Variants in BRIP1 observed in about 807,000 individuals in gnomAD.
BRIP1 encodes BRCA1 interacting DNA helicase 1.
In BRIP1, 88 loss-of-function variants were observed where a neutral mutation model predicts 119.7. The ratio of observed to expected loss-of-function variants is 0.74; its 90% CI spans 0.62 to 0.88. BRIP1 has a LOEUF of 0.88. Among genes scored for constraint, BRIP1 ranks in the 40% least tolerant of loss-of-function variants. The pLI is 0.00. For synonymous variants in BRIP1, 443 were observed against 496.5 expected, an observed-to-expected ratio of 0.89 and a Z score of 1.43; for missense variants, 1,259 against 1,455.4, an observed-to-expected ratio of 0.87 and a Z score of 2.20.
intron 17 of BRIP1, among the ~76,000 whole-genome samples, chr17:61,712,902 CAAA>C (rs10602913): frequency 2.5e-4 from 35 of 141,248 alleles, no homozygotes; most frequent in Admixed American, 3.5e-4. Context: ...GACTTCATCT[CAAA>C]AAAAAAAAAA....
chr17:61,738,904 A>AGG lies in BRIP1; in HGVS notation c.2379+4108_2379+4109insCC, dbSNP rs2076952794. On this transcript the variant is annotated intron_variant, in intron 16 of 19. Transcript: ENST00000259008. This position sits in a 1 kb window ranked among gnomAD's most constrained non-coding sequence, Gnocchi z 4.2. ...TCTCCTCATATGTAATCAGAATTAT[A>AGG]ATCTTGATGATCCTTTCAGGCCTTG... Among the ~76,000 whole-genome samples, 1 of 152,194 alleles carries AGG rather than the reference A, an allele frequency of 6.6e-6. No homozygotes were observed. The highest frequency in any genetic ancestry group is 1.5e-5 in the Non-Finnish European group (1 of 68,036).
rs1319290249 is a variant in BRIP1 at position 61,769,914 on chromosome 17, G to A, written c.2097+6487C>T. On this transcript the variant is annotated intron_variant, in intron 14 of 19. Transcript: ENST00000259008. The surrounding 1 kb of genome is among the most constrained non-coding windows in gnomAD (Gnocchi z 4.9). ...TCCTAGGGGCTGCAGTCTTGCCAGG[G>A]GGCCCACAATTTTTAAGACATTACC... 1.3e-5 allele frequency among the ~76,000 whole-genome samples: 2 copies of A among 152,136 alleles called. No individual in the cohort carries two copies. Among genetic ancestry groups the A allele is most frequent in the Non-Finnish European group, 1.5e-5 (1 of 68,020 alleles).
intron 16 of BRIP1, among the ~76,000 whole-genome samples, chr17:61,737,431 C>T (rs2076933279): frequency 6.6e-6 from 1 of 152,084 alleles, no homozygotes; most frequent in Admixed American, 6.5e-5. Context: ...AACTATAAAA[C>T]TCTTCAAGGA....
At chr17:61,838,596 A>G (rs1021723312) in intron 6 of BRIP1, among the ~76,000 whole-genome samples, 1 of 151,020 alleles carries the variant, frequency 6.6e-6, no homozygotes, top group East Asian at 1.9e-4. Flanking sequence ...TAAATAAAGC[A>G]TCATTAAATC....
Position 61,682,744 on chromosome 17 carries a change from C to T in BRIP1, c.*552G>A, listed in dbSNP as rs1478983804. 5.2e-6 allele frequency: 1 copy of T among 191,452 alleles called. No homozygotes were observed. Among genetic ancestry groups the T allele is most frequent in the Admixed American group, 6.1e-5 (1 of 16,314 alleles). The allele number at this position is 191,452 out of a possible 1,614,324, so 11.9% of individuals were successfully genotyped here. A position where few individuals can be genotyped will look rare whatever the true frequency, so the allele number is the denominator to read the frequency against. ...ACCTAATATGAATATTTACGTGAAACTAGAAGTGCCCTAGGATCTTTGAAT... is the reference window on the plus strand; with the variant it reads ...ACCTAATATGAATATTTACGTGAAATTAGAAGTGCCCTAGGATCTTTGAAT... On this transcript the variant is annotated 3_prime_UTR_variant, in exon 20 of 20. Coordinates refer to ENST00000259008, the MANE Select transcript of BRIP1 (RefSeq NM_032043.3). This position sits in a 1 kb window ranked among gnomAD's most constrained non-coding sequence, Gnocchi z 4.9.
rs2078948200 is a variant in BRIP1, at chr17:61,859,785, CA to C, written c.205+10del. 6.4e-7 allele frequency: 1 copy of C among 1,562,074 alleles called. No homozygotes were observed. Among genetic ancestry groups the C allele is most frequent in the Admixed American group, 1.7e-5 (1 of 59,924 alleles). ...CAGTAAGTAACCTGAAGATATCAAGCAACTACTTACCACTAAGAGATTGTTG... is the reference window on the plus strand; with the variant it reads ...CAGTAAGTAACCTGAAGATATCAAGCACTACTTACCACTAAGAGATTGTTG... On this transcript the variant is annotated intron_variant, in intron 3 of 19. Coordinates refer to ENST00000259008, the MANE Select transcript of BRIP1 (RefSeq NM_032043.3).
In BRIP1 at chr17:61,775,652, AAAC is replaced by A. The variant is rs762140196; in HGVS notation, c.2097+746_2097+748del. The stretch of plus-strand genomic sequence containing the variant: ...AATTATTAAAAATCAGTGACTCTAA[AAAC>A]AACAACAAAATTCTTCTGGCCAGAT... On this transcript the variant is annotated intron_variant, in intron 14 of 19. Transcript: ENST00000259008. This position sits in a 1 kb window ranked among gnomAD's most constrained non-coding sequence, Gnocchi z 4.4. Among the ~76,000 whole-genome samples the A allele has an allele frequency of 1.3e-5, 2 of 152,226 alleles. No individual in the cohort carries two copies. The highest frequency in any genetic ancestry group is 2.9e-5 in the Non-Finnish European group (2 of 68,042).
In BRIP1 at chr17:61,776,574, A is replaced by G; in HGVS notation, c.1936-12T>C. On this transcript the variant is annotated splice_polypyrimidine_tract_variant and intron_variant, in intron 13 of 19. Coordinates refer to ENST00000259008, the MANE Select transcript of BRIP1 (RefSeq NM_032043.3). This position sits in a 1 kb window ranked among gnomAD's most constrained non-coding sequence, Gnocchi z 5.0. ...GTACCAACCCAAACCTAGAATATGA[A>G]TATGTCATTATTAGAGTTATGCCTG... is the stretch of plus-strand genomic sequence containing the variant. The G allele has an allele frequency of 1.9e-6, 3 of 1,613,246 alleles. No homozygotes were observed. Among genetic ancestry groups the G allele is most frequent in the Non-Finnish European group, 2.5e-6 (3 of 1,179,176 alleles).
rs1355058131 is a variant in BRIP1, at chr17:61,705,984, T to G, written c.2492+9967A>C. Among the ~76,000 whole-genome samples, 1 of 152,184 alleles carries G rather than the reference T, an allele frequency of 6.6e-6. No homozygotes were observed. The highest frequency in any genetic ancestry group is 1.5e-5 in the Non-Finnish European group (1 of 67,996). Reference sequence around the variant, plus strand: ...TCTATATCTTTATTAGTTTGTCTACTAGTTCTGTTATTGAGAGGAATTTTG... The same window carrying G: ...TCTATATCTTTATTAGTTTGTCTACGAGTTCTGTTATTGAGAGGAATTTTG... On this transcript the variant is annotated intron_variant, in intron 17 of 19. Coordinates refer to ENST00000259008, the MANE Select transcript of BRIP1 (RefSeq NM_032043.3). The surrounding 1 kb of genome is among the most constrained non-coding windows in gnomAD (Gnocchi z 5.0).
rs1321744971 is a variant in BRIP1, at chr17:61,751,918, A to C, written c.2098-7327T>G. ...TGAGTAGCTGGGACTACAGGCGGAC[A>C]CCACCACACCTGACTAATTTTTGTA... On this transcript the variant is annotated intron_variant, in intron 14 of 19. Coordinates refer to ENST00000259008, the MANE Select transcript of BRIP1 (RefSeq NM_032043.3). The surrounding 1 kb of genome is among the most constrained non-coding windows in gnomAD (Gnocchi z 6.7). Among the ~76,000 whole-genome samples the C allele has an allele frequency of 6.6e-6, 1 of 151,958 alleles. No homozygotes were observed. Among genetic ancestry groups the C allele is most frequent in the African/African-American group, 2.4e-5 (1 of 41,368 alleles).
rs988427438 is a variant in BRIP1 at position 61,743,982 on chromosome 17, C to A, written c.2257+450G>T. ...GATTACAGGCAAGAGCCACCACGCCCGGCCTCACATCAAACTCTTCATGGA... is the reference window on the plus strand; with the variant it reads ...GATTACAGGCAAGAGCCACCACGCCAGGCCTCACATCAAACTCTTCATGGA... On this transcript the variant is annotated intron_variant, in intron 15 of 19. Coordinates refer to ENST00000259008, the MANE Select transcript of BRIP1 (RefSeq NM_032043.3). This position sits in a 1 kb window ranked among gnomAD's most constrained non-coding sequence, Gnocchi z 4.3. 6.6e-6 allele frequency among the ~76,000 whole-genome samples: 1 copy of A among 152,130 alleles called. No homozygotes were observed. Among genetic ancestry groups the A allele is most frequent in the Non-Finnish European group, 1.5e-5 (1 of 68,024 alleles).
At chr17:61,737,463 A>G (rs1278974826) in intron 16 of BRIP1, among the ~76,000 whole-genome samples, 3 of 152,212 alleles carry the variant, frequency 2.0e-5, no homozygotes, top group Admixed American at 6.5e-5. Context: ...GCAAATATGC[A>G]TGATGTTGGA....
At chr17:61,783,637 GTTGT>G (rs1334005044) in intron 11 of BRIP1, among the ~76,000 whole-genome samples, 5 of 151,954 alleles carry the variant, frequency 3.3e-5, no homozygotes, top group African/African-American at 1.2e-4. Context: ...AGAGGGATTG[GTTGT>G]TTTTCATTTT....
rs1301933639 is a variant in BRIP1 at position 61,754,425 on chromosome 17, A to C, written c.2098-9834T>G. 6.6e-6 allele frequency among the ~76,000 whole-genome samples: 1 copy of C among 151,956 alleles called. No homozygotes were observed. The highest frequency in any genetic ancestry group is 6.6e-5 in the Admixed American group (1 of 15,254). On this transcript the variant is annotated intron_variant, in intron 14 of 19. Coordinates refer to ENST00000259008, the MANE Select transcript of BRIP1 (RefSeq NM_032043.3). The surrounding 1 kb of genome is among the most constrained non-coding windows in gnomAD (Gnocchi z 4.1). ...CTTCTCAGATAGGCCTTCCCAAACC[A>C]TCCAATTAAATTCTAAATGAGCACC...
chr17:61,852,423 C>T lies in BRIP1; in HGVS notation c.380-3167G>A, dbSNP rs2078835074. 6.6e-6 allele frequency among the ~76,000 whole-genome samples: 1 copy of T among 152,010 alleles called. No homozygotes were observed. The highest frequency in any genetic ancestry group is 2.1e-4 in the South Asian group (1 of 4,828). Reference sequence around the variant, plus strand: ...GTGGCTCACACTTGTAATTCAAGCACTTTGGGAGGCTGAGGCGAGTGATCA... The same window carrying T: ...GTGGCTCACACTTGTAATTCAAGCATTTTGGGAGGCTGAGGCGAGTGATCA... On this transcript the variant is annotated intron_variant, in intron 4 of 19. Transcript: ENST00000259008. The surrounding 1 kb of genome is among the most constrained non-coding windows in gnomAD (Gnocchi z 4.9).
intron 9 of BRIP1, among the ~76,000 whole-genome samples, chr17:61,797,696 T>A (rs1250489390): frequency 6.6e-6 from 1 of 151,948 alleles, no homozygotes; most frequent in East Asian, 1.9e-4. Context: ...AGGCAAAGAT[T>A]TTAATTCCCT....
chr17:61,793,835 T>C lies in BRIP1; in HGVS notation c.1341-106A>G. 8.3e-7 allele frequency: 1 copy of C among 1,202,502 alleles called. No individual in the cohort carries two copies. The highest frequency in any genetic ancestry group is 2.6e-5 in the Admixed American group (1 of 38,552). 74.5% of individuals were successfully genotyped at this position (1,202,502 alleles called of 1,614,324 possible). The stretch of plus-strand genomic sequence containing the variant: ...TTGTCATGCGTTGATCTGTATATCT[T>C]GACATTCTTAGGACATGAATGTGGA... On this transcript the variant is annotated intron_variant, in intron 9 of 19. Transcript: ENST00000259008. The surrounding 1 kb of genome is among the most constrained non-coding windows in gnomAD (Gnocchi z 5.2).
rs1265162447 is a variant in BRIP1 at position 61,831,918 on chromosome 17, GA to G, written c.627+15182del. Among the ~76,000 whole-genome samples, 1 of 152,140 alleles carries G rather than the reference GA, an allele frequency of 6.6e-6. No individual in the cohort carries two copies. Among genetic ancestry groups the G allele is most frequent in the African/African-American group, 2.4e-5 (1 of 41,440 alleles). ...AAACACTCATAATTTTCAGTGTACA[GA>G]CAGACAGATACAGAAAAAATATAGA... On this transcript the variant is annotated intron_variant, in intron 6 of 19. Transcript: ENST00000259008. This position sits in a 1 kb window ranked among gnomAD's most constrained non-coding sequence, Gnocchi z 4.1.
intron 17 of BRIP1, among the ~76,000 whole-genome samples, chr17:61,697,380 A>C (rs1156685064): frequency 8.1e-5 from 10 of 124,064 alleles, no homozygotes; most frequent in African/African-American, 2.7e-4. Flanking sequence ...AAGATATTCT[A>C]TTTCTTCTTG....
Sources: allele counts gnomAD v4.1 joint callset (sites outside exome capture counted in the v4.1 genomes callset), GRCh38; gene constraint gnomAD v4.1.1; non-coding constraint Gnocchi (gnomAD v3.1); transcripts MANE v1.5; gene names NCBI Gene and HGNC (gene_info 2026-07-23, HGNC 2026-07-21).